Variants in TANGO6 observed in about 807,000 individuals in gnomAD.
The protein encoded by TANGO6 is transport and golgi organization 6 homolog, also known as transport and Golgi organization protein 6 homolog.
In TANGO6, 90 loss-of-function variants were observed where a neutral mutation model predicts 114.2. The observed-to-expected ratio is 0.79, with a 90% CI of 0.66 to 0.94. TANGO6 has a LOEUF of 0.94. TANGO6 is among the 40% of genes least tolerant of loss of function. The pLI, the probability that TANGO6 is intolerant of heterozygous loss-of-function variation, is 0.00. For synonymous variants in TANGO6, 477 were observed against 509.8 expected, an observed-to-expected ratio of 0.94 and a Z score of 0.87; for missense variants, 1,274 against 1,315.3, an observed-to-expected ratio of 0.97 and a Z score of 0.49.
At chr16:68,955,156 CCTAA>C (rs1410908378) in intron 14 of TANGO6, among the ~76,000 whole-genome samples, 1 of 152,090 alleles carries the variant, frequency 6.6e-6, no homozygotes, top group Admixed American at 6.6e-5. Flanking sequence ...ACAGCAGAAA[CCTAA>C]CTGACAAACA....
At chr16:68,878,436 G>A (rs1388179595) in intron 6 of TANGO6, among the ~76,000 whole-genome samples, 156 bp downstream of exon 6, 2 of 152,042 alleles carry the variant, frequency 1.3e-5, no homozygotes, top group African/African-American at 4.8e-5. Context: ...CAAGTTTCAA[G>A]AAGAGTATAT....
chr16:68,932,536 G>C lies in TANGO6; in HGVS notation c.2701+2241G>C, dbSNP rs1963256080. 1.3e-5 allele frequency among the ~76,000 whole-genome samples: 2 copies of C among 152,122 alleles called. 1 individual carries two copies. The highest frequency in any genetic ancestry group is 4.1e-4 in the South Asian group (2 of 4,824). ...CAGTGGCTCATGCCTGTAATCCCAAGCACTTTGGGAGGCCGAAGCAAGCAG... is the reference window on the plus strand; with the variant it reads ...CAGTGGCTCATGCCTGTAATCCCAACCACTTTGGGAGGCCGAAGCAAGCAG... On this transcript the variant is annotated intron_variant, in intron 14 of 17. Transcript: ENST00000261778.
chr16:68,926,323 G>A (rs1408968551), intron 12 of TANGO6, among the ~76,000 whole-genome samples: 1 of 151,556 alleles, frequency 6.6e-6, no homozygotes, highest in South Asian at 2.1e-4. Context: ...GTGAAACCCC[G>A]TTTCTACTAA....
chr16:68,902,204 T>G lies in TANGO6; in HGVS notation c.1491-124T>G, dbSNP rs1237137391. 4.7e-6 allele frequency: 4 copies of G among 846,988 alleles called. No individual in the cohort carries two copies. The Admixed American group carries it at 1.2e-4, about 26-fold the overall frequency. 52.5% of individuals were successfully genotyped at this position (846,988 alleles called of 1,614,324 possible). A position where few individuals can be genotyped will look rare whatever the true frequency, so the allele number is the denominator to read the frequency against. ...TTCCATTCCTGCATTTCAGTAGTAC[T>G]AGGAGATTGTGCCAGCATTTAAAAT... On this transcript the variant is annotated intron_variant, in intron 8 of 17. Coordinates refer to ENST00000261778, the MANE Select transcript of TANGO6 (RefSeq NM_024562.2).
At chr16:69,056,377 GT>G in intron 17 of TANGO6, among the ~76,000 whole-genome samples, 1 of 152,186 alleles carries the variant, frequency 6.6e-6, no homozygotes, top group East Asian at 1.9e-4. Context: ...ATTTTAGGAT[GT>G]TAGAAGTGGA....
At chr16:68,937,553 C>T (rs963087239) in intron 14 of TANGO6, 1 of 152,198 alleles carries the variant, frequency 6.6e-6, no homozygotes, top group Non-Finnish European at 1.5e-5. Context: ...CTTGCTCACT[C>T]CCCCAACCCC....
chr16:69,059,186 C>G (rs1175745403), intron 17 of TANGO6, among the ~76,000 whole-genome samples: 1 of 150,346 alleles, frequency 6.7e-6, no homozygotes, highest in Admixed American at 6.6e-5. Flanking sequence ...GCAATTATCC[C>G]ACCTCAGCCT....
At chr16:68,947,081 T>G (rs1428314600) in intron 14 of TANGO6, among the ~76,000 whole-genome samples, 1 of 152,180 alleles carries the variant, frequency 6.6e-6, no homozygotes, top group East Asian at 1.9e-4. Context: ...ATCTTAATCT[T>G]AATCTTATTT....
chr16:68,992,773 A>C (rs909054048), intron 15 of TANGO6, among the ~76,000 whole-genome samples: 39 of 152,298 alleles, frequency 2.6e-4, no homozygotes, highest in Non-Finnish European at 2.2e-4. Context: ...TCTATGTTAA[A>C]AAAGCAGAAA....
chr16:68,937,977 G>A (rs952407704), intron 14 of TANGO6, among the ~76,000 whole-genome samples: 1 of 152,162 alleles, frequency 6.6e-6, no homozygotes, highest in African/African-American at 2.4e-5. Context: ...TTGCTGGATC[G>A]TATAGTAAGT....
rs1859260591 is a variant in TANGO6, at chr16:68,987,166, TC to T, written c.2842+12999del. Among the ~76,000 whole-genome samples, 3 of 151,888 alleles carry T rather than the reference TC, an allele frequency of 2.0e-5. No individual in the cohort carries two copies. In the South Asian group the frequency reaches 6.2e-4, roughly 32 times the overall value. On this transcript the variant is annotated intron_variant, in intron 15 of 17. Coordinates refer to ENST00000261778, the MANE Select transcript of TANGO6 (RefSeq NM_024562.2). ...GGTATCCATTTTTTTCTATTTTTTT[TC>T]TATGATATACAGCTCTGCAATATAA...
At chr16:68,992,287 T>C (rs1239126118) in intron 15 of TANGO6, among the ~76,000 whole-genome samples, 1 of 152,168 alleles carries the variant, frequency 6.6e-6, no homozygotes, top group East Asian at 1.9e-4. Flanking sequence ...ACAGAAGTGC[T>C]ATCTGTGACC....
Position 68,982,630 on chromosome 16 carries a change from C to T in TANGO6, c.2842+8462C>T, listed in dbSNP as rs966130364. On this transcript the variant is annotated intron_variant, in intron 15 of 17. Coordinates refer to ENST00000261778, the MANE Select transcript of TANGO6 (RefSeq NM_024562.2). ...CAGGCATGAGCCACCATGCCCTGGC[C>T]TTTTTTTTTTTTTTTTTTTTTTGTA... Among the ~76,000 whole-genome samples, 173 of 105,240 alleles carry T rather than the reference C, an allele frequency of 1.6e-3. 1 individual carries two copies. Among genetic ancestry groups the T allele is most frequent in the African/African-American group, 7.4e-3 (156 of 21,132 alleles). 69.0% of individuals were successfully genotyped at this position (105,240 alleles called of 152,430 possible). A position where few individuals can be genotyped will look rare whatever the true frequency, so the allele number is the denominator to read the frequency against.
chr16:68,965,766 A>G (rs1325524392), intron 14 of TANGO6, among the ~76,000 whole-genome samples: 1 of 152,110 alleles, frequency 6.6e-6, no homozygotes, highest in Non-Finnish European at 1.5e-5. Context: ...GTACCACTGC[A>G]CTCCAGCCTG....
rs1430860982 is a variant in TANGO6 at position 69,083,470 on chromosome 16, G to A, written c.3109-15G>A. 6.2e-7 allele frequency: 1 copy of A among 1,600,078 alleles called. No homozygotes were observed. The highest frequency in any genetic ancestry group is 2.2e-5 in the East Asian group (1 of 44,606). ...GCACAGTAGACAGGCGGTCATGGCT[G>A]TCTCTCTCATGCAGGTGCTGAGCGC... is the stretch of plus-strand genomic sequence containing the variant. On this transcript the variant is annotated splice_polypyrimidine_tract_variant and intron_variant, in intron 17 of 17. Transcript: ENST00000261778.
At chr16:68,868,293 A>G (rs915782286) in intron 4 of TANGO6, among the ~76,000 whole-genome samples, 3 of 152,048 alleles carry the variant, frequency 2.0e-5, no homozygotes, top group Middle Eastern at 3.2e-3. Context: ...AATGCTAAGC[A>G]TGGTAGTAGT....
chr16:68,916,145 A>T (rs1468118094), intron 11 of TANGO6, among the ~76,000 whole-genome samples: 1 of 152,104 alleles, frequency 6.6e-6, no homozygotes, highest in Non-Finnish European at 1.5e-5. Context: ...AATCCTTTCA[A>T]ATATTTAATA....
rs765469618 is a variant in TANGO6, at chr16:68,909,410, G to T, written c.1992+8G>T. 3.6e-5 allele frequency: 54 copies of T among 1,503,164 alleles called. No individual in the cohort carries two copies. The highest frequency in any genetic ancestry group is 4.7e-5 in the Non-Finnish European group (53 of 1,121,682). The allele number at this position is 1,503,164 out of a possible 1,614,324, so 93.1% of individuals were successfully genotyped here. On this transcript the variant is annotated splice_region_variant and intron_variant, in intron 11 of 17. Coordinates refer to ENST00000261778, the MANE Select transcript of TANGO6 (RefSeq NM_024562.2). ...TTCACAAACGTCACTCAGGTCAGTA[G>T]TTGCCACATTCTGGACCGCAGCCTT...
At chr16:68,906,827 CTT>C (rs1314167643) in intron 9 of TANGO6, among the ~76,000 whole-genome samples, 1 of 144,162 alleles carries the variant, frequency 6.9e-6, no homozygotes, top group African/African-American at 2.6e-5. Flanking sequence ...GAATTTCACT[CTT>C]GTTACCCAGG....
Sources: allele counts gnomAD v4.1 joint callset (sites outside exome capture counted in the v4.1 genomes callset), GRCh38; gene constraint gnomAD v4.1.1; transcripts MANE v1.5; gene names NCBI Gene and HGNC (gene_info 2026-07-23, HGNC 2026-07-21).